Variants in PACS2 observed in about 807,000 individuals in gnomAD.
PACS2 encodes PACS1-like protein.
PACS2 carries 36 observed loss-of-function variants against 113.0 expected under a neutral mutation model. The ratio of observed to expected loss-of-function variants is 0.32; its 90% CI spans 0.24 to 0.42. PACS2 has a LOEUF of 0.42. Ranked by LOEUF, PACS2 falls within the 10% of genes least tolerant of loss-of-function variation. The pLI, the probability that PACS2 is intolerant of heterozygous loss-of-function variation, is 1.00. For missense variants in PACS2, 1,015 were observed against 1,239.5 expected, an observed-to-expected ratio of 0.82 and a Z score of 2.72; for synonymous variants, 589 against 536.1, an observed-to-expected ratio of 1.10 and a Z score of -1.36.
Position 105,382,498 on chromosome 14 carries a change from G to T in PACS2, c.1435G>T (p.Asp479Tyr). ...CCAGATCCCCAGGAAGACTGTGTAT[G>T]ACCAGCTCAACCACATCCTCATCTC... ...QLQIPRKTVYDQLNHILISDD... is the reference protein window; with the variant it reads ...QLQIPRKTVYYQLNHILISDD... The change falls in exon 14 of 25, where the codon GAC becomes TAC. Residue 479 changes from aspartate to tyrosine, a missense_variant. By Grantham distance (160) the Asp-to-Tyr change is radical. This residue lies in a region of PACS2 where 859 missense variants were observed against 1,056.8 expected (regional missense o/e 0.81). Coordinates refer to ENST00000447393, the MANE Select transcript of PACS2 (RefSeq NM_001100913.3). 1.9e-6 allele frequency: 3 copies of T among 1,610,174 alleles called. No individual in the cohort carries two copies. In the South Asian group the frequency reaches 3.3e-5, roughly 18 times the overall value.
chr14:105,320,943 A>T (rs2058862700), intron 1 of PACS2, among the ~76,000 whole-genome samples: 1 of 152,172 alleles, frequency 6.6e-6, no homozygotes, highest in South Asian at 2.1e-4. Flanking sequence ...ACCGGAGGTT[A>T]GGAGTTCGAG....
chr14:105,319,582 A>G lies in PACS2; in HGVS notation c.119+4545A>G, dbSNP rs372059755. On this transcript the variant is annotated intron_variant, in intron 1 of 24. Coordinates refer to ENST00000447393, the MANE Select transcript of PACS2 (RefSeq NM_001100913.3). ...CTATTTTTAACCTAGTAACTTATCT[A>G]TAGATTATTTTGTATTTTCAAAATG... is the stretch of plus-strand genomic sequence containing the variant. 5.9e-5 allele frequency among the ~76,000 whole-genome samples: 9 copies of G among 152,342 alleles called. No individual in the cohort carries two copies. The South Asian group carries it at 1.4e-3, about 25-fold the overall frequency.
chr14:105,391,792 G>A lies in PACS2; in HGVS notation c.2255+26G>A, dbSNP rs587640159. The A allele has an allele frequency of 4.9e-5, 77 of 1,568,098 alleles. No individual in the cohort carries two copies. In the South Asian group the frequency reaches 7.9e-4, roughly 16 times the overall value. On this transcript the variant is annotated intron_variant, in intron 22 of 24. Transcript: ENST00000447393. ...GTAAAGGTGCCTCACGGCTCAGCAC[G>A]TTTCACTTACCCGCCCCACCACATG...
At chr14:105,379,643 C>T (rs1215850455) in intron 9 of PACS2, 96 bp from the exon 10 acceptor site, 7 of 985,806 alleles carry the variant, frequency 7.1e-6, no homozygotes, top group Middle Eastern at 2.1e-4. Flanking sequence ...TTGGATTCTG[C>T]AGTCTGTCCC....
chr14:105,303,433 CAG>C (rs202056894), intron 1 of PACS2, among the ~76,000 whole-genome samples: 4,938 of 152,052 alleles, frequency 0.032, 143 homozygotes, highest in African/African-American at 0.075. Context: ...TTAGTAGAGA[CAG>C]GGTTTCACTG....
At chr14:105,339,279 G>A (rs1213941701) in intron 1 of PACS2, among the ~76,000 whole-genome samples, 1 of 150,386 alleles carries the variant, frequency 6.6e-6, no homozygotes, top group African/African-American at 2.5e-5. Flanking sequence ...GGTCAAGGTG[G>A]GGGGACCACC....
Position 105,307,116 on chromosome 14 carries a change from C to T in PACS2, c.-83+6137C>T, listed in dbSNP as rs587692951. ...CTGGAGTGCAGTGGTATGATCATAG[C>T]TCACTGTCGTCTCAAACTGCTGGGC... On this transcript the variant is annotated intron_variant, in intron 1 of 23. Coordinates refer to the PACS2 transcript ENST00000430725. Among the ~76,000 whole-genome samples the T allele has an allele frequency of 2.0e-5, 3 of 151,790 alleles. No homozygotes were observed. The South Asian group carries it at 6.3e-4, about 32-fold the overall frequency.
At chr14:105,337,700 G>C (rs1393568533) in intron 1 of PACS2, among the ~76,000 whole-genome samples, 1 of 152,164 alleles carries the variant, frequency 6.6e-6, no homozygotes, top group Non-Finnish European at 1.5e-5. Flanking sequence ...CCAAACCCCA[G>C]GGCCCACCTG....
chr14:105,313,396 G>C (rs1215823020), upstream of PACS2, among the ~76,000 whole-genome samples: 1 of 152,214 alleles, frequency 6.6e-6, no homozygotes, highest in Non-Finnish European at 1.5e-5. Flanking sequence ...CCGCCGAGCA[G>C]CTGGCCAAGG....
chr14:105,306,501 C>T (rs2058191920), intron 1 of PACS2, among the ~76,000 whole-genome samples: 1 of 151,912 alleles, frequency 6.6e-6, no homozygotes, highest in Non-Finnish European at 1.5e-5. Flanking sequence ...GATGGGGTTT[C>T]ACCATGTTGG....
Position 105,382,073 on chromosome 14 carries a change from C to T in PACS2, c.1413+15C>T, listed in dbSNP as rs1555412215. The T allele has an allele frequency of 1.0e-5, 16 of 1,543,200 alleles. No individual in the cohort carries two copies. Among genetic ancestry groups the T allele is most frequent in the East Asian group, 2.4e-5 (1 of 40,948 alleles). ...TGCAGCTGCAGGTGGGGGTGGAGGGCGTGGCACGCCCAGGAGGCAGGGCTC... is the reference window on the plus strand; with the variant it reads ...TGCAGCTGCAGGTGGGGGTGGAGGGTGTGGCACGCCCAGGAGGCAGGGCTC... On this transcript the variant is annotated intron_variant, in intron 13 of 24. Coordinates refer to ENST00000447393, the MANE Select transcript of PACS2 (RefSeq NM_001100913.3).
upstream of PACS2, among the ~76,000 whole-genome samples, chr14:105,310,955 C>T (rs759023697): frequency 1.3e-5 from 2 of 152,114 alleles, no homozygotes; most frequent in Non-Finnish European, 2.9e-5. Flanking sequence ...TTTTCACATA[C>T]ATTTTTGTTT....
rs1317026336 is a variant in PACS2, at chr14:105,340,928, G to A, written c.120-7565G>A. Among the ~76,000 whole-genome samples the A allele has an allele frequency of 6.6e-6, 1 of 152,248 alleles. No individual in the cohort carries two copies. The highest frequency in any genetic ancestry group is 1.5e-5 in the Non-Finnish European group (1 of 68,038). On this transcript the variant is annotated intron_variant, in intron 1 of 24. Transcript: ENST00000447393. This position sits in a 1 kb window ranked among gnomAD's most constrained non-coding sequence, Gnocchi z 4.2. ...GTGGGGCTGCTTGCTCAGCACCCTT[G>A]CCCCGTCTCTGGCCACGTAGCCGTC... is the stretch of plus-strand genomic sequence containing the variant.
chr14:105,326,674 C>T (rs781112346), intron 1 of PACS2, among the ~76,000 whole-genome samples: 5 of 152,238 alleles, frequency 3.3e-5, no homozygotes, highest in East Asian at 1.9e-4. Context: ...CTTCCTCCCC[C>T]ACCTCAAGCC....
intron 1 of PACS2, among the ~76,000 whole-genome samples, chr14:105,339,638 G>T (rs1159388175): frequency 6.6e-6 from 1 of 151,576 alleles, no homozygotes; most frequent in Non-Finnish European, 1.5e-5. Context: ...CAAGGCTGCA[G>T]TGAGCCGTGA....
intron 1 of PACS2, among the ~76,000 whole-genome samples, chr14:105,326,183 G>A (rs2059096919): frequency 6.6e-6 from 1 of 152,194 alleles, no homozygotes; most frequent in Admixed American, 6.5e-5. Context: ...CGAGACCAGC[G>A]CCCGCCTCCC....
intron 1 of PACS2, among the ~76,000 whole-genome samples, chr14:105,305,386 A>AT (rs2058157262): frequency 6.6e-6 from 1 of 152,138 alleles, no homozygotes; most frequent in Admixed American, 6.5e-5. Flanking sequence ...TGGGCGACAG[A>AT]TTGAGAACCT....
chr14:105,384,860 C>G lies in PACS2; in HGVS notation c.1892-19C>G. 1.3e-6 allele frequency: 2 copies of G among 1,503,236 alleles called. No individual in the cohort carries two copies. The highest frequency in any genetic ancestry group is 1.8e-6 in the Non-Finnish European group (2 of 1,100,156). The allele number at this position is 1,503,236 out of a possible 1,614,324, so 93.1% of individuals were successfully genotyped here. On this transcript the variant is annotated intron_variant, in intron 17 of 24. Transcript: ENST00000447393. ...CACCTGGCACCAGCCTAACCCCCCACCGCCTCCTCCCCCTGCAGTACAGGA... is the reference window on the plus strand; with the variant it reads ...CACCTGGCACCAGCCTAACCCCCCAGCGCCTCCTCCCCCTGCAGTACAGGA...
At chr14:105,302,100 T>C (rs898124261) in intron 1 of PACS2, among the ~76,000 whole-genome samples, 51 of 151,428 alleles carry the variant, frequency 3.4e-4, no homozygotes, top group African/African-American at 1.2e-3. Context: ...GATCCCGCCA[T>C]TGCACTCCAG....
Sources: gnomAD v4.1 joint callset for allele counts (sites outside exome capture counted in the v4.1 genomes callset) on GRCh38, gnomAD v4.1.1 for gene constraint, gnomAD v4.1.1 regional missense constraint, Gnocchi (gnomAD v3.1) non-coding constraint, MANE v1.5 for transcripts, NCBI Gene and HGNC (gene_info 2026-07-23, HGNC 2026-07-21) for gene names.